The following ESRRG variants were observed in gnomAD, a reference collection of about 807,000 sequenced individuals.
ESRRG encodes the protein estrogen related receptor gamma, also known as estrogen-related receptor gamma.
In ESRRG, 13 loss-of-function variants were observed where a neutral mutation model predicts 44.0. That is an observed-to-expected ratio of 0.30 (90% CI 0.19 to 0.47). ESRRG has a LOEUF of 0.47. Ranked by LOEUF, ESRRG falls within the 20% of genes least tolerant of loss-of-function variation. The pLI is 1.00. For missense variants in ESRRG, 395 were observed against 580.6 expected (o/e 0.68, Z 3.29); for synonymous variants, 215 against 214.6 (o/e 1.00, Z -0.02).
intron 2 of ESRRG, among the ~76,000 whole-genome samples, chr1:216,806,328 A>G (rs568765827): frequency 6.6e-6 from 1 of 152,314 alleles, no homozygotes; most frequent in East Asian, 1.9e-4. Flanking sequence ...ATTTCAAGAG[A>G]TGATTTGAAA....
At chr1:216,953,975 C>T (rs900609047) in intron 1 of ESRRG, among the ~76,000 whole-genome samples, 8 of 151,750 alleles carry the variant, frequency 5.3e-5, no homozygotes, top group African/African-American at 1.7e-4. Flanking sequence ...TATGCAAAAT[C>T]AAAAATGGCC....
intron 2 of ESRRG, among the ~76,000 whole-genome samples, chr1:216,893,517 A>G (rs2058060300): frequency 6.6e-6 from 1 of 152,198 alleles, no homozygotes. Context: ...TCAGCCCTCC[A>G]TTCATCCAGT....
chr1:216,705,601 A>G (rs1208200530), intron 1 of ESRRG, among the ~76,000 whole-genome samples: 1 of 152,210 alleles, frequency 6.6e-6, no homozygotes, highest in African/African-American at 2.4e-5. Context: ...ATTGGTTTGT[A>G]ATCTGCACAA....
chr1:216,966,440 G>A (rs575499837), intron 1 of ESRRG, among the ~76,000 whole-genome samples: 52 of 152,086 alleles, frequency 3.4e-4, no homozygotes, highest in Non-Finnish European at 5.3e-4. Flanking sequence ...CCAAGCCCTT[G>A]GGCTCAACCT....
At chr1:216,662,307 G>T (rs2072679471) in intron 2 of ESRRG, among the ~76,000 whole-genome samples, 2 of 152,096 alleles carry the variant, frequency 1.3e-5, no homozygotes, top group African/African-American at 4.8e-5. Flanking sequence ...GAGTCAAAAG[G>T]CACTTCGTGA....
rs557686086 is a variant in ESRRG at position 216,506,739 on chromosome 1, A to T, written c.*200T>A. 9.3e-5 allele frequency: 61 copies of T among 655,134 alleles called. No individual in the cohort carries two copies. The highest frequency in any genetic ancestry group is 9.0e-5 in the Non-Finnish European group (33 of 367,562). 40.6% of individuals were successfully genotyped at this position (655,134 alleles called of 1,614,324 possible). A position where few individuals can be genotyped will look rare whatever the true frequency, so the allele number is the denominator to read the frequency against. Reference sequence around the variant, plus strand: ...AATGTGGGAAGAAAGAGGAAAGAAGATGATGGAGAAAGTAGAAAGAAACTC... The same window carrying T: ...AATGTGGGAAGAAAGAGGAAAGAAGTTGATGGAGAAAGTAGAAAGAAACTC... On this transcript the variant is annotated 3_prime_UTR_variant, in exon 7 of 7. Transcript: ENST00000408911.
At chr1:216,658,666 CAAAA>C (rs3040932) in intron 2 of ESRRG, among the ~76,000 whole-genome samples, 8 of 130,324 alleles carry the variant, frequency 6.1e-5, no homozygotes, top group Admixed American at 1.6e-4. Flanking sequence ...ACTAAAAATA[CAAAA>C]AAAAAAAAAA....
At chr1:216,688,815 T>G (rs1486058475) in intron 1 of ESRRG, among the ~76,000 whole-genome samples, 3 of 152,204 alleles carry the variant, frequency 2.0e-5, no homozygotes, top group Non-Finnish European at 4.4e-5. Context: ...CACTTTGTCA[T>G]CGCTTTCATA....
intron 5 of ESRRG, among the ~76,000 whole-genome samples, chr1:216,555,575 G>T (rs2057374122): frequency 6.6e-6 from 1 of 150,476 alleles, no homozygotes; most frequent in Non-Finnish European, 1.5e-5. Context: ...ACAATTTTAA[G>T]AAATCACTTC....
In ESRRG at chr1:216,730,305, TAAAAA is replaced by T. The variant is rs11445965; in HGVS notation, c.-13-52819_-13-52815del. ...TACTTTCTCCAAAAGCTTAGAAAGG[TAAAAA>T]AAAAAAAAAAAAGAAAGAAAAAGAA... On this transcript the variant is annotated intron_variant, in intron 2 of 7. Coordinates refer to the ESRRG transcript ENST00000359162. Among the ~76,000 whole-genome samples, 4 of 121,444 alleles carry T rather than the reference TAAAAA, an allele frequency of 3.3e-5. No individual in the cohort carries two copies. The South Asian group carries it at 1.1e-3, about 33-fold the overall frequency. 79.7% of individuals were successfully genotyped at this position (121,444 alleles called of 152,430 possible).
At chr1:216,841,851 G>GA (rs1360055928) in intron 2 of ESRRG, among the ~76,000 whole-genome samples, 8 of 151,470 alleles carry the variant, frequency 5.3e-5, no homozygotes, top group African/African-American at 1.9e-4. Context: ...TTAAAAGAAA[G>GA]AAAAAACAAG....
At chr1:216,777,670 T>C (rs781675005) in intron 2 of ESRRG, among the ~76,000 whole-genome samples, 4 of 152,114 alleles carry the variant, frequency 2.6e-5, no homozygotes, top group Admixed American at 6.6e-5. Flanking sequence ...ATCTTGTCTT[T>C]TTCATTTCTA....
At chr1:217,118,137 C>G (rs970667428) in intron 1 of ESRRG, among the ~76,000 whole-genome samples, 2 of 152,212 alleles carry the variant, frequency 1.3e-5, no homozygotes, top group Admixed American at 1.3e-4. Flanking sequence ...GTATACTACT[C>G]ACCCCTTCAT....
chr1:217,064,156 T>C (rs775095214), intron 1 of ESRRG, among the ~76,000 whole-genome samples: 92 of 150,804 alleles, frequency 6.1e-4, no homozygotes, highest in Non-Finnish European at 9.6e-4. Flanking sequence ...ATGTTGCATG[T>C]ATATATACAC....
chr1:216,948,509 A>G (rs79720851), intron 1 of ESRRG, among the ~76,000 whole-genome samples: 2,404 of 150,102 alleles, frequency 0.016, 74 homozygotes, highest in African/African-American at 0.055. Flanking sequence ...AGAAAGAAAC[A>G]GGGGACCTAA....
At chr1:216,831,270 A>T (rs955889038) in intron 2 of ESRRG, among the ~76,000 whole-genome samples, 3 of 152,218 alleles carry the variant, frequency 2.0e-5, no homozygotes, top group African/African-American at 7.2e-5. Context: ...AATTAAAATA[A>T]AATGAAGCTT....
intron 1 of ESRRG, among the ~76,000 whole-genome samples, chr1:216,709,370 C>A (rs555015858): frequency 7.5e-6 from 1 of 134,188 alleles, no homozygotes. Flanking sequence ...TATTCAATTT[C>A]TCTAATTAAT....
chr1:217,068,751 G>A (rs1335618908), intron 1 of ESRRG, among the ~76,000 whole-genome samples: 1 of 152,160 alleles, frequency 6.6e-6, no homozygotes. Context: ...TTACTCTCAA[G>A]CAGTTTTACT....
chr1:217,081,946 A>T (rs1435716438), intron 1 of ESRRG, among the ~76,000 whole-genome samples: 1 of 152,064 alleles, frequency 6.6e-6, no homozygotes, highest in Non-Finnish European at 1.5e-5. Context: ...TACTGAATAC[A>T]TTTTTTTTGT....
Sources: gnomAD v4.1 joint callset for allele counts (sites outside exome capture counted in the v4.1 genomes callset) on GRCh38, gnomAD v4.1.1 for gene constraint, MANE v1.5 for transcripts, NCBI Gene and HGNC (gene_info 2026-07-23, HGNC 2026-07-21) for gene names.